EYS: variants seen among roughly 807,000 people sequenced by gnomAD.
EYS encodes protein eyes shut homolog.
EYS carries 250 observed loss-of-function variants against 282.1 expected under a neutral mutation model. That is an observed-to-expected ratio of 0.89 (90% CI 0.80 to 0.98). EYS has a LOEUF of 0.98. EYS is among the 50% of genes least tolerant of loss of function. The pLI is 0.00. For missense variants in EYS, 4,016 were observed against 3,709.0 expected (o/e 1.08, Z -2.15); for synonymous variants, 1,355 against 1,282.9 (o/e 1.06, Z -1.20).
In EYS at chr6:63,962,717, T is replaced by C. The variant is rs1339080360; in HGVS notation, c.7055+21666A>G. ...TCAGTGTGGTGATTCCTCAGGGATC[T>C]AGAACTAGAAATACCATTTGACCCA... On this transcript the variant is annotated intron_variant, in intron 35 of 42. Coordinates refer to ENST00000503581, the MANE Select transcript of EYS (RefSeq NM_001142800.2). 2.6e-5 allele frequency among the ~76,000 whole-genome samples: 4 copies of C among 152,188 alleles called. No individual in the cohort carries two copies. In the East Asian group the frequency reaches 5.8e-4, roughly 22 times the overall value.
chr6:64,467,754 T>A (rs1689958119), intron 26 of EYS, among the ~76,000 whole-genome samples: 1 of 152,088 alleles, frequency 6.6e-6, no homozygotes, highest in African/African-American at 2.4e-5. Context: ...GGAAGTATCA[T>A]CCAGAGGAAT....
chr6:65,686,700 T>C (rs1208977713), intron 1 of EYS, among the ~76,000 whole-genome samples: 1 of 152,146 alleles, frequency 6.6e-6, no homozygotes, highest in Admixed American at 6.6e-5. Flanking sequence ...GGGTTGTTTT[T>C]AAAGCAAGAA....
At chr6:64,825,817 C>A (rs1765037507) in intron 19 of EYS, among the ~76,000 whole-genome samples, 1 of 151,702 alleles carries the variant, frequency 6.6e-6, no homozygotes, top group African/African-American at 2.4e-5. Context: ...TAATTACCAA[C>A]CTATTCAAAC....
At chr6:64,334,685 A>G (rs1185326346) in intron 29 of EYS, among the ~76,000 whole-genome samples, 1 of 152,322 alleles carries the variant, frequency 6.6e-6, no homozygotes, top group Middle Eastern at 3.4e-3. Context: ...GTTATTTATC[A>G]GAACAGGTTA....
chr6:64,273,665 A>G (rs1768014330), intron 30 of EYS, among the ~76,000 whole-genome samples: 1 of 152,070 alleles, frequency 6.6e-6, no homozygotes, highest in Non-Finnish European at 1.5e-5. Flanking sequence ...AGTCTCACAG[A>G]TACTAGATTA....
At position 64,663,265 on chromosome 6, in the gene EYS, A is replaced by C. The variant is rs74646211; in HGVS notation, c.3444-37020T>G. Among the ~76,000 whole-genome samples, 201 of 152,332 alleles carry C rather than the reference A, an allele frequency of 1.3e-3. 2 individuals carry two copies. In the East Asian group the frequency reaches 0.023, roughly 18 times the overall value. ...TCTGACGAAATATACCATTGGTAAT[A>C]AGGGAAAATTGCTCAGTTTTTATTC... On this transcript the variant is annotated intron_variant, in intron 22 of 42. Coordinates refer to ENST00000503581, the MANE Select transcript of EYS (RefSeq NM_001142800.2).
intron 13 of EYS, among the ~76,000 whole-genome samples, chr6:65,002,810 C>A (rs1771508563): frequency 6.8e-6 from 1 of 147,442 alleles, no homozygotes; most frequent in African/African-American, 2.4e-5. Context: ...CAAATTAATA[C>A]TTTTATAATT....
chr6:65,500,201 A>G (rs943956065), intron 2 of EYS, among the ~76,000 whole-genome samples: 1 of 151,906 alleles, frequency 6.6e-6, no homozygotes, highest in African/African-American at 2.4e-5. Flanking sequence ...GGAGGCAGGT[A>G]ATTTAGGAGA....
intron 30 of EYS, among the ~76,000 whole-genome samples, chr6:64,303,960 T>C (rs935504504): frequency 6.6e-6 from 1 of 151,760 alleles, no homozygotes; most frequent in Non-Finnish European, 1.5e-5. Context: ...TTTATCTAAA[T>C]AGCTTGTTTA....
chr6:65,038,174 A>T (rs1239405535), intron 13 of EYS, among the ~76,000 whole-genome samples: 2 of 151,622 alleles, frequency 1.3e-5, no homozygotes, highest in Non-Finnish European at 3.0e-5. Context: ...AAACGTATGT[A>T]GATTAGATGG....
intron 12 of EYS, among the ~76,000 whole-genome samples, chr6:65,161,937 ACATGGTC>A (rs1169669814): frequency 6.6e-6 from 1 of 151,188 alleles, no homozygotes; most frequent in Non-Finnish European, 1.5e-5. Context: ...CCGCCTCCTC[ACATGGTC>A]CATAACCTCA....
chr6:63,959,931 C>T (rs140030991), intron 35 of EYS, among the ~76,000 whole-genome samples: 181 of 151,374 alleles, frequency 1.2e-3, no homozygotes, highest in East Asian at 2.3e-3. Context: ...ACCTAGATGA[C>T]GAATTGATAG....
intron 19 of EYS, among the ~76,000 whole-genome samples, chr6:64,863,702 T>C (rs1221639235): frequency 5.3e-5 from 8 of 152,164 alleles, no homozygotes; most frequent in Admixed American, 5.2e-4. Flanking sequence ...TGGTCAGATA[T>C]TCATCTTTCA....
At chr6:65,300,053 T>C (rs1438452377) in intron 11 of EYS, among the ~76,000 whole-genome samples, 2 of 152,226 alleles carry the variant, frequency 1.3e-5, no homozygotes, top group African/African-American at 4.8e-5. Flanking sequence ...AACATTTTTG[T>C]TTTCCTGGCA....
intron 24 of EYS, among the ~76,000 whole-genome samples, chr6:64,615,663 C>A (rs1356655079): frequency 6.6e-6 from 1 of 152,070 alleles, no homozygotes; most frequent in African/African-American, 2.4e-5. Flanking sequence ...TTTAGCTACT[C>A]ATTTTAAAGA....
chr6:65,646,904 A>G (rs146745529), intron 1 of EYS, among the ~76,000 whole-genome samples: 84 of 151,952 alleles, frequency 5.5e-4, no homozygotes, highest in African/African-American at 1.8e-3. Context: ...ATTAAGAACC[A>G]CTTTTACAAT....
intron 22 of EYS, among the ~76,000 whole-genome samples, chr6:64,680,884 ATT>A (rs1380203305): frequency 1.3e-5 from 2 of 152,184 alleles, no homozygotes; most frequent in African/African-American, 4.8e-5. Context: ...CAAGAAACTA[ATT>A]TTTATTTAAA....
At chr6:65,123,624 G>C (rs900840530) in intron 12 of EYS, among the ~76,000 whole-genome samples, 1 of 152,100 alleles carries the variant, frequency 6.6e-6, no homozygotes, top group Non-Finnish European at 1.5e-5. Context: ...ACAAACCAGA[G>C]TGGCTAATAT....
At chr6:64,106,624 T>G (rs2150262781) in intron 31 of EYS, among the ~76,000 whole-genome samples, 1 of 143,418 alleles carries the variant, frequency 7.0e-6, no homozygotes, top group South Asian at 2.3e-4. Context: ...ATGTAGCTGG[T>G]TTTGTGTGTG....
Sources: gnomAD v4.1 joint callset for allele counts (sites outside exome capture counted in the v4.1 genomes callset) on GRCh38, gnomAD v4.1.1 for gene constraint, MANE v1.5 for transcripts, NCBI Gene and HGNC (gene_info 2026-07-23, HGNC 2026-07-21) for gene names.